PCLO: variants seen among roughly 807,000 people sequenced by gnomAD.
PCLO encodes the protein piccolo presynaptic cytomatrix protein.
In PCLO, 82 loss-of-function variants were observed where a neutral mutation model predicts 427.5. The ratio of observed to expected loss-of-function variants is 0.19; its 90% CI spans 0.16 to 0.23. The LOEUF (loss-of-function observed/expected upper bound fraction) is 0.23. PCLO is among the 10% of genes least tolerant of loss of function. The pLI is 1.00. For synonymous variants in PCLO, 2,357 were observed against 2,155.4 expected, an observed-to-expected ratio of 1.09 and a Z score of -2.59; for missense variants, 6,239 against 6,115.9, an observed-to-expected ratio of 1.02 and a Z score of -0.67.
chr7:82,807,479 T>G (rs967264776), intron 20 of PCLO, among the ~76,000 whole-genome samples: 1 of 152,134 alleles, frequency 6.6e-6, no homozygotes, highest in Non-Finnish European at 1.5e-5. Context: ...TGGTGGAATT[T>G]TAACCAATAT....
intron 7 of PCLO, among the ~76,000 whole-genome samples, chr7:82,911,544 A>T (rs992099617): frequency 6.6e-6 from 1 of 152,122 alleles, no homozygotes; most frequent in Admixed American, 6.6e-5. Context: ...TTACATAAAC[A>T]GTTTAATTCT....
In PCLO at chr7:82,805,784, C is replaced by G; in HGVS notation, c.14837G>C (p.Gly4946Ala). 1 of 1,609,022 alleles carries G rather than the reference C, an allele frequency of 6.2e-7. No homozygotes were observed. Among genetic ancestry groups the G allele is most frequent in the Non-Finnish European group, 8.5e-7 (1 of 1,177,606 alleles). ...ACTGCCAAAGCTGCTGCCCGAGGAG[C>G]CGGTGGACACAGAGCTTTCTGCAGG... ...HRPAESSVSTGSSGSSFGSGY... is the reference protein window; with the variant it reads ...HRPAESSVSTASSGSSFGSGY... Residue 4946 changes from glycine (G) to alanine (A), a missense_variant, in exon 21 of 25, where the codon GGC becomes GCC. By Grantham distance (60) the Gly-to-Ala change is moderately conservative. Around this residue, in one of 5 missense-constraint regions of PCLO, gnomAD observed 877 missense variants for 925.5 expected, o/e 0.95. Transcript: ENST00000333891.
intron 22 of PCLO, among the ~76,000 whole-genome samples, chr7:82,775,308 C>T (rs1415580683): frequency 2.0e-5 from 3 of 152,052 alleles, no homozygotes; most frequent in Admixed American, 6.6e-5. Context: ...TGTATAAAAT[C>T]GCCAAACTGT....
intron 3 of PCLO, among the ~76,000 whole-genome samples, chr7:82,973,932 C>CT (rs374052158): frequency 6.6e-6 from 1 of 152,124 alleles, no homozygotes; most frequent in East Asian, 1.9e-4. Context: ...AATTCATATA[C>CT]TTTTTTCTGA....
intron 3 of PCLO, among the ~76,000 whole-genome samples, chr7:83,059,105 C>CATACTATATATGAGATATAGTAT (rs1220727149): frequency 3.3e-5 from 5 of 150,604 alleles, no homozygotes; most frequent in Admixed American, 6.6e-5. Context: ...AATGTACATA[C>CATACTATATATGAGATATAGTAT]ATACTATATA....
intron 9 of PCLO, among the ~76,000 whole-genome samples, chr7:82,894,892 T>G (rs1032886660): frequency 2.0e-5 from 3 of 151,990 alleles, no homozygotes; most frequent in African/African-American, 4.8e-5. Flanking sequence ...GAAGGCTGAG[T>G]GCATGTTTGG....
intron 7 of PCLO, chr7:82,914,331 T>G: frequency 2.1e-6 from 1 of 471,096 alleles, no homozygotes; most frequent in Admixed American, 3.8e-5. Flanking sequence ...AATATATTTT[T>G]AAAAATGAAA....
At chr7:82,804,948 A>G (rs6955106) in intron 21 of PCLO, among the ~76,000 whole-genome samples, 73,755 of 151,960 alleles carry the variant, frequency 0.49, 18,718 homozygotes, top group East Asian at 0.85. Flanking sequence ...ATGGGCAGGA[A>G]AAGGAAAAGT....
chr7:83,135,732 G>A, intron 2 of PCLO, 76 bp from the exon 3 acceptor site: 2 of 839,686 alleles, frequency 2.4e-6, no homozygotes, highest in Non-Finnish European at 3.6e-6. Flanking sequence ...CATGCATACT[G>A]CCATTTGAAA....
chr7:82,838,192 A>T, intron 15 of PCLO, 26 bp downstream of exon 15: 2 of 1,547,082 alleles, frequency 1.3e-6, no homozygotes, highest in Non-Finnish European at 1.8e-6. Context: ...AAAGCATGAG[A>T]TGAAGTACTT....
intron 3 of PCLO, among the ~76,000 whole-genome samples, chr7:83,075,401 G>A (rs1789926102): frequency 6.6e-6 from 1 of 152,268 alleles, no homozygotes; most frequent in Non-Finnish European, 1.5e-5. Context: ...TCACTTAGAT[G>A]AGTTGGTCTT....
chr7:82,779,750 T>TTG (rs1790831936), intron 22 of PCLO, among the ~76,000 whole-genome samples: 1 of 150,268 alleles, frequency 6.7e-6, no homozygotes, highest in Admixed American at 6.6e-5. Context: ...TTCTTTCTTT[T>TTG]TTTTTTTTTT....
At chr7:82,899,557 A>G (rs1327836260) in intron 9 of PCLO, among the ~76,000 whole-genome samples, 1 of 151,562 alleles carries the variant, frequency 6.6e-6, no homozygotes, top group Non-Finnish European at 1.5e-5. Context: ...TAACTATAAC[A>G]AGGAAACCAT....
intron 22 of PCLO, among the ~76,000 whole-genome samples, chr7:82,796,061 T>A (rs973925557): frequency 6.6e-6 from 1 of 152,192 alleles, no homozygotes; most frequent in Non-Finnish European, 1.5e-5. Flanking sequence ...ATCAAGCAAT[T>A]GACAATGCTT....
intron 22 of PCLO, among the ~76,000 whole-genome samples, chr7:82,779,116 T>C (rs902944374): frequency 2.6e-5 from 4 of 152,146 alleles, no homozygotes; most frequent in Non-Finnish European, 5.9e-5. Context: ...CAATAGATTT[T>C]TTACTTTATC....
intron 3 of PCLO, among the ~76,000 whole-genome samples, chr7:83,088,885 A>T (rs545460624): frequency 6.6e-6 from 1 of 152,282 alleles, no homozygotes; most frequent in East Asian, 1.9e-4. Flanking sequence ...TGCTGACGAG[A>T]TAATCTTTTG....
intron 22 of PCLO, among the ~76,000 whole-genome samples, chr7:82,761,964 G>T (rs1562774083): frequency 6.6e-6 from 1 of 151,842 alleles, no homozygotes; most frequent in African/African-American, 2.4e-5. Flanking sequence ...CTCTATCAAG[G>T]GATATGACTC....
chr7:82,755,998 G>A lies in PCLO; in HGVS notation c.*2577C>T, dbSNP rs1790310814. On this transcript the variant is annotated 3_prime_UTR_variant, in exon 25 of 25. Transcript: ENST00000333891. ...GCCCCATCGCTAGTTCCTTGGAACGGAGGGGCTTCTATAATGGAAAGACTC... is the reference window on the plus strand; with the variant it reads ...GCCCCATCGCTAGTTCCTTGGAACGAAGGGGCTTCTATAATGGAAAGACTC... 6.6e-6 allele frequency: 1 copy of A among 152,134 alleles called. No homozygotes were observed. The highest frequency in any genetic ancestry group is 6.6e-5 in the Admixed American group (1 of 15,258). The allele number at this position is 152,134 out of a possible 1,614,324, so 9.4% of individuals were successfully genotyped here. A position where few individuals can be genotyped will look rare whatever the true frequency, so the allele number is the denominator to read the frequency against.
At chr7:83,060,169 A>G (rs191598379) in intron 3 of PCLO, among the ~76,000 whole-genome samples, 6 of 152,264 alleles carry the variant, frequency 3.9e-5, no homozygotes, top group East Asian at 3.9e-4. Context: ...CCCAAATTAG[A>G]TAAGTCTGTG....
Sources: allele counts gnomAD v4.1 joint callset (sites outside exome capture counted in the v4.1 genomes callset), GRCh38; gene constraint gnomAD v4.1.1; regional missense constraint gnomAD v4.1.1; transcripts MANE v1.5; gene names NCBI Gene and HGNC (gene_info 2026-07-23, HGNC 2026-07-21).